The following SGCD variants were observed in gnomAD, a reference collection of about 807,000 sequenced individuals.
SGCD encodes the protein sarcoglycan delta.
In SGCD, 18 loss-of-function variants were observed where a neutral mutation model predicts 36.6. The observed-to-expected ratio is 0.49, with a 90% CI of 0.34 to 0.73. SGCD has a LOEUF of 0.73. Among genes scored for constraint, SGCD ranks in the 30% least tolerant of loss-of-function variants. SGCD has a pLI of 0.01. For missense variants in SGCD, 387 were observed against 346.7 expected, an observed-to-expected ratio of 1.12 and a Z score of -0.92; for synonymous variants, 133 against 130.6, an observed-to-expected ratio of 1.02 and a Z score of -0.12.
the SGCD span, among the ~76,000 whole-genome samples, chr5:155,856,313 AAAAGAG>A: frequency 6.6e-6 from 1 of 152,202 alleles, no homozygotes. Flanking sequence ...AAAATGCAGA[AAAAGAG>A]AAAAAGAATA....
chr5:156,450,069 T>A (rs1463798475), intron 3 of SGCD, among the ~76,000 whole-genome samples: 2 of 152,068 alleles, frequency 1.3e-5, no homozygotes, highest in Non-Finnish European at 2.9e-5. Flanking sequence ...GCACCCTCCT[T>A]TTGTAACCCT....
intron 7 of SGCD, chr5:156,738,786 C>G (rs1756510793): frequency 6.6e-6 from 1 of 152,152 alleles, no homozygotes; most frequent in Non-Finnish European, 1.5e-5. Context: ...TAAGGCTTCA[C>G]CTACATTTCC....
chr5:156,664,470 A>G (rs201658631), intron 7 of SGCD, among the ~76,000 whole-genome samples: 6,273 of 76,118 alleles, frequency 0.082, no homozygotes, highest in Non-Finnish European at 0.094. Context: ...AGGGGCAGGT[A>G]CTTCCTGGGT....
chr5:155,783,895 G>A, the SGCD span, among the ~76,000 whole-genome samples: 9 of 152,160 alleles, frequency 5.9e-5, no homozygotes, highest in African/African-American at 2.2e-4. Flanking sequence ...AAGAAAGGTT[G>A]AACATGGAGA....
rs148863005 is a variant in SGCD, at chr5:156,516,762, C to T, written c.294+8060C>T. Among the ~76,000 whole-genome samples the T allele has an allele frequency of 6.1e-3, 931 of 152,110 alleles. 3 individuals carry two copies. The highest frequency in any genetic ancestry group is 7.7e-3 in the African/African-American group (319 of 41,518). ...CTATAATCCCAGCAATTTAGGAGGC[C>T]GAGGCACATGGATCACCTGAGGTCA... On this transcript the variant is annotated intron_variant, in intron 4 of 8. Coordinates refer to ENST00000337851, the MANE Select transcript of SGCD (RefSeq NM_000337.6).
chr5:156,360,749 A>G (rs1350447912), intron 3 of SGCD, among the ~76,000 whole-genome samples: 1 of 152,100 alleles, frequency 6.6e-6, no homozygotes, highest in Non-Finnish European at 1.5e-5. Context: ...CTTTGGGGGA[A>G]GACGACTCAC....
At position 156,521,658 on chromosome 5, in the gene SGCD, G is replaced by A. The variant is rs141969659; in HGVS notation, c.294+12956G>A. 2.2e-3 allele frequency among the ~76,000 whole-genome samples: 334 copies of A among 152,202 alleles called. 1 individual carries two copies. Among genetic ancestry groups the A allele is most frequent in the African/African-American group, 7.5e-3 (313 of 41,540 alleles). On this transcript the variant is annotated intron_variant, in intron 4 of 8. Coordinates refer to ENST00000337851, the MANE Select transcript of SGCD (RefSeq NM_000337.6). ...AATCCACAATGAGATACCACCTCAC[G>A]GCAGTCAAAATGGCTATTACTGAAA...
In SGCD at chr5:156,164,778, T is replaced by C. The variant is rs550104588; in HGVS notation, c.-44+40759T>C. 4.3e-4 allele frequency among the ~76,000 whole-genome samples: 65 copies of C among 152,312 alleles called. 1 individual carries two copies. In the South Asian group the frequency reaches 0.013, roughly 31 times the overall value. On this transcript the variant is annotated intron_variant, in intron 3 of 9. Coordinates refer to the SGCD transcript ENST00000517913. ...TGAGTACATGAAGTGTACAAAACACTGTGCTTGGCTTTCAGAGGGACAAAG... is the reference window on the plus strand; with the variant it reads ...TGAGTACATGAAGTGTACAAAACACCGTGCTTGGCTTTCAGAGGGACAAAG...
At chr5:155,956,440 T>A (rs769343486) in intron 1 of SGCD, among the ~76,000 whole-genome samples, 1 of 152,136 alleles carries the variant, frequency 6.6e-6, no homozygotes, top group African/African-American at 2.4e-5. Flanking sequence ...TGACGGATGA[T>A]GGCTGCTCAT....
At chr5:156,653,170 T>C (rs1763526103) in intron 7 of SGCD, among the ~76,000 whole-genome samples, 1 of 152,154 alleles carries the variant, frequency 6.6e-6, no homozygotes, top group Non-Finnish European at 1.5e-5. Context: ...GTAGAATTGG[T>C]AACAGCTCTT....
At chr5:155,891,150 G>T (rs1561640467) in intron 1 of SGCD, among the ~76,000 whole-genome samples, 1 of 152,190 alleles carries the variant, frequency 6.6e-6, no homozygotes, top group Non-Finnish European at 1.5e-5. Flanking sequence ...AACCCCTATT[G>T]CTGATGTATC....
chr5:156,267,167 A>G (rs1270170210), intron 3 of SGCD, among the ~76,000 whole-genome samples: 1 of 152,204 alleles, frequency 6.6e-6, no homozygotes. Flanking sequence ...GTTACATAAC[A>G]AGTATTGAGT....
intron 7 of SGCD, among the ~76,000 whole-genome samples, chr5:156,742,205 A>G (rs1756714384): frequency 1.3e-5 from 2 of 152,112 alleles, no homozygotes; most frequent in African/African-American, 2.4e-5. Flanking sequence ...GGTTTTATAC[A>G]CAAAGTACCA....
chr5:156,533,090 C>T (rs963809280), intron 4 of SGCD, among the ~76,000 whole-genome samples: 2 of 152,132 alleles, frequency 1.3e-5, no homozygotes, highest in East Asian at 1.9e-4. Context: ...CTGGCTTTCT[C>T]GGTAGCCATG....
At chr5:155,870,938 G>A (rs532747969) in intron 1 of SGCD, among the ~76,000 whole-genome samples, 14 of 152,044 alleles carry the variant, frequency 9.2e-5, no homozygotes, top group Admixed American at 3.3e-4. Context: ...TACTTTCAAA[G>A]CAAATTACTC....
chr5:155,781,803 C>CA, the SGCD span, among the ~76,000 whole-genome samples: 1 of 151,978 alleles, frequency 6.6e-6, no homozygotes, highest in Non-Finnish European at 1.5e-5. Context: ...TTGTATTCTT[C>CA]AAACTACTTG....
intron 1 of SGCD, among the ~76,000 whole-genome samples, chr5:156,077,369 C>T (rs1760813171): frequency 6.6e-6 from 1 of 152,132 alleles, no homozygotes; most frequent in Admixed American, 6.5e-5. Context: ...GCCCTATATT[C>T]TTATTATTGG....
intron 1 of SGCD, among the ~76,000 whole-genome samples, chr5:156,108,216 T>A (rs540311179): frequency 7.9e-5 from 12 of 152,262 alleles, no homozygotes; most frequent in African/African-American, 2.9e-4. Context: ...GTTTAATTTT[T>A]AAAATGTTAA....
chr5:156,264,624 G>T (rs1355878355), intron 3 of SGCD, among the ~76,000 whole-genome samples: 1 of 151,968 alleles, frequency 6.6e-6, no homozygotes, highest in Non-Finnish European at 1.5e-5. Context: ...TGTAAGAGTT[G>T]CTTCAGATTT....
Sources: gnomAD v4.1 joint callset for allele counts (sites outside exome capture counted in the v4.1 genomes callset) on GRCh38, gnomAD v4.1.1 for gene constraint, MANE v1.5 for transcripts, NCBI Gene and HGNC (gene_info 2026-07-23, HGNC 2026-07-21) for gene names.